The following LPP variants were observed in gnomAD, a reference collection of about 807,000 sequenced individuals.
LPP encodes the protein lipoma-preferred partner.
Under a neutral mutation model 60.4 loss-of-function variants are expected in LPP, and 38 were observed. That is an observed-to-expected ratio of 0.63 (90% CI 0.49 to 0.83). The LOEUF (loss-of-function observed/expected upper bound fraction) is 0.83, where lower values mean the gene tolerates loss of function less well. Among genes scored for constraint, LPP ranks in the 40% least tolerant of loss-of-function variants. The pLI is 0.00. For missense variants in LPP, 902 were observed against 783.6 expected (o/e 1.15, Z -1.80); for synonymous variants, 328 against 290.8 (o/e 1.13, Z -1.30).
intron 5 of LPP, among the ~76,000 whole-genome samples, chr3:188,524,056 C>T (rs1398476708): frequency 6.6e-6 from 1 of 152,164 alleles, no homozygotes; most frequent in African/African-American, 2.4e-5. Flanking sequence ...ACTTCATTGT[C>T]CATGCTCACT....
At chr3:188,280,556 T>C (rs6444279) in intron 2 of LPP, among the ~76,000 whole-genome samples, 110,262 of 151,836 alleles carry the variant, frequency 0.73, 41,219 homozygotes, top group African/African-American at 0.9. Flanking sequence ...AAAAGTCCAG[T>C]GCCCATCCCC....
At chr3:188,475,748 A>C (rs1017550621) in intron 4 of LPP, among the ~76,000 whole-genome samples, 2 of 151,720 alleles carry the variant, frequency 1.3e-5, no homozygotes, top group Non-Finnish European at 2.9e-5. Context: ...TAAAAATCCA[A>C]AAAAATTAGC....
intron 2 of LPP, among the ~76,000 whole-genome samples, chr3:188,282,088 T>C (rs530617075): frequency 3.6e-4 from 55 of 152,230 alleles, no homozygotes; most frequent in African/African-American, 1.2e-3. Context: ...TATTCTGTTT[T>C]CTTACCGTTC....
rs146012965 is a variant in LPP, at chr3:188,752,910, G to A, written c.1241-7203G>A. On this transcript the variant is annotated intron_variant, in intron 8 of 11. Transcript: ENST00000617246. The stretch of plus-strand genomic sequence containing the variant: ...GGAGGACCATCACCTGTCCTGATTC[G>A]CCACCTGTGGTAGATCATGACTTTC... Among the ~76,000 whole-genome samples the A allele has an allele frequency of 1.5e-3, 225 of 152,292 alleles. 1 individual carries two copies. The highest frequency in any genetic ancestry group is 4.9e-3 in the African/African-American group (203 of 41,564).
At position 188,877,675 on chromosome 3, in the gene LPP, G is replaced by A. The variant is rs1453214191; in HGVS notation, c.*3196G>A. Reference sequence around the variant, plus strand: ...AGCCTGGGCAACATAGTGAGACCTTGTCTCTACAAAAAATAAAATAAAATA... The same window carrying A: ...AGCCTGGGCAACATAGTGAGACCTTATCTCTACAAAAAATAAAATAAAATA... On this transcript the variant is annotated 3_prime_UTR_variant, in exon 12 of 12. Transcript: ENST00000617246. 1.1e-5 allele frequency: 2 copies of A among 186,914 alleles called. No individual in the cohort carries two copies. Among genetic ancestry groups the A allele is most frequent in the Non-Finnish European group, 2.3e-5 (2 of 88,574 alleles). 11.6% of individuals were successfully genotyped at this position (186,914 alleles called of 1,614,324 possible).
In LPP at chr3:188,649,916, T is replaced by C. The variant is rs1282360745; in HGVS notation, c.1113+40072T>C. On this transcript the variant is annotated intron_variant, in intron 7 of 11. Transcript: ENST00000617246. The stretch of plus-strand genomic sequence containing the variant: ...TCTTCCTGAGGGAATTCCTCTGTTA[T>C]AGGTAATAATTATTAAGCTTCCACC... Among the ~76,000 whole-genome samples the C allele has an allele frequency of 2.0e-5, 3 of 152,338 alleles. No individual in the cohort carries two copies. In the East Asian group the frequency reaches 5.8e-4, roughly 29 times the overall value.
intron 3 of LPP, among the ~76,000 whole-genome samples, chr3:188,371,641 ATTTTTTTTTTTTTTTTTTT>A (rs1158606459): frequency 3.1e-5 from 1 of 32,166 alleles, no homozygotes; most frequent in African/African-American, 1.2e-4. Flanking sequence ...ATATATATAT[ATTTTTTTTTTTTTTTTTTT>A]TTTTTTTTTT....
At chr3:188,460,490 G>A (rs550368847) in intron 4 of LPP, among the ~76,000 whole-genome samples, 1 of 152,318 alleles carries the variant, frequency 6.6e-6, no homozygotes, top group South Asian at 2.1e-4. Flanking sequence ...TCCAGGCGCA[G>A]TTACTGTTGG....
At chr3:188,210,182 T>C (rs1734324906) in intron 1 of LPP, among the ~76,000 whole-genome samples, 1 of 152,110 alleles carries the variant, frequency 6.6e-6, no homozygotes, top group African/African-American at 2.4e-5. Context: ...AATCTAGAGA[T>C]GCTTTAAAGT....
intron 9 of LPP, among the ~76,000 whole-genome samples, chr3:188,857,335 A>G (rs1278189469): frequency 6.6e-6 from 1 of 152,208 alleles, no homozygotes; most frequent in Non-Finnish European, 1.5e-5. Flanking sequence ...GATATCTGAG[A>G]AACTTGTTAA....
chr3:188,553,026 C>G (rs924907687), intron 6 of LPP, among the ~76,000 whole-genome samples: 2 of 152,080 alleles, frequency 1.3e-5, no homozygotes, highest in African/African-American at 4.8e-5. Flanking sequence ...GTGTTTCGTG[C>G]TAATGTAAAG....
chr3:188,177,290 G>A lies in LPP; in HGVS notation c.-190+23038G>A, dbSNP rs112324314. On this transcript the variant is annotated intron_variant, in intron 1 of 11. Coordinates refer to ENST00000617246, the MANE Select transcript of LPP (RefSeq NM_001375462.1). ...TGCCAGTAGACAGACCCAGGCCTGG[G>A]AAGGAGGGCTGGTTGAAGTGAGATG... 6.1e-3 allele frequency among the ~76,000 whole-genome samples: 928 copies of A among 152,302 alleles called. 7 individuals are homozygous for A. Among genetic ancestry groups the A allele is most frequent in the Non-Finnish European group, 9.8e-3 (669 of 68,010 alleles).
At chr3:188,324,388 C>T (rs761897715) in intron 2 of LPP, among the ~76,000 whole-genome samples, 10 of 152,188 alleles carry the variant, frequency 6.6e-5, no homozygotes, top group Non-Finnish European at 1.3e-4. Flanking sequence ...TCCTGGCTCT[C>T]CTAGAGCCTT....
At chr3:188,186,176 A>G (rs941381079) in intron 1 of LPP, among the ~76,000 whole-genome samples, 16 of 152,280 alleles carry the variant, frequency 1.1e-4, no homozygotes, top group African/African-American at 3.8e-4. Flanking sequence ...GCTGCTAAAT[A>G]TAGCTCCAAC....
intron 2 of LPP, among the ~76,000 whole-genome samples, chr3:188,314,758 T>G (rs1369002661): frequency 6.6e-6 from 1 of 152,034 alleles, no homozygotes; most frequent in Non-Finnish European, 1.5e-5. Context: ...GAGGCAGAGT[T>G]TGCAGTGAGT....
intron 8 of LPP, among the ~76,000 whole-genome samples, chr3:188,729,695 G>T (rs2150013535): frequency 1.3e-5 from 2 of 152,238 alleles, no homozygotes; most frequent in Admixed American, 1.3e-4. Flanking sequence ...AACACTATGT[G>T]GCCAGGCACA....
intron 7 of LPP, among the ~76,000 whole-genome samples, chr3:188,681,606 A>G (rs189682206): frequency 2.8e-4 from 43 of 152,288 alleles, no homozygotes; most frequent in Non-Finnish European, 4.9e-4. Flanking sequence ...AAACTACACC[A>G]TGATGCACTT....
chr3:188,592,492 T>C (rs957694530), intron 6 of LPP, among the ~76,000 whole-genome samples: 2 of 151,896 alleles, frequency 1.3e-5, no homozygotes, highest in African/African-American at 4.8e-5. Context: ...TTTATTTCTT[T>C]ATTAACCTTG....
chr3:188,230,959 A>T (rs1719728675), intron 2 of LPP, among the ~76,000 whole-genome samples: 1 of 152,020 alleles, frequency 6.6e-6, no homozygotes, highest in Non-Finnish European at 1.5e-5. Context: ...ACATCGCATG[A>T]TGGTTGGCAG....
Sources: gnomAD v4.1 joint callset for allele counts (sites outside exome capture counted in the v4.1 genomes callset) on GRCh38, gnomAD v4.1.1 for gene constraint, MANE v1.5 for transcripts, NCBI Gene and HGNC (gene_info 2026-07-23, HGNC 2026-07-21) for gene names.